INTS9: variants seen among roughly 807,000 people sequenced by gnomAD.
INTS9 encodes protein related to CPSF subunits of 74 kDa.
Under a neutral mutation model 79.7 loss-of-function variants are expected in INTS9, and 55 were observed. The ratio of observed to expected loss-of-function variants is 0.69; its 90% CI spans 0.56 to 0.86. The LOEUF (loss-of-function observed/expected upper bound fraction) is 0.86. INTS9 is among the 40% of genes least tolerant of loss of function. The pLI, the probability that INTS9 is intolerant of heterozygous loss-of-function variation, is 0.00. For synonymous variants in INTS9, 319 were observed against 325.2 expected (o/e 0.98, Z 0.20); for missense variants, 721 against 831.5 (o/e 0.87, Z 1.64).
At chr8:28,861,047 T>C (rs1331884441) in intron 1 of INTS9, among the ~76,000 whole-genome samples, 2 of 152,260 alleles carry the variant, frequency 1.3e-5, no homozygotes, top group African/African-American at 2.4e-5. Flanking sequence ...TCCAAGTTTA[T>C]GTATGATGAT....
chr8:28,828,678 A>G (rs1410636860), intron 6 of INTS9, among the ~76,000 whole-genome samples: 1 of 151,280 alleles, frequency 6.6e-6, no homozygotes, highest in African/African-American at 2.4e-5. Context: ...AGGAACTTCA[A>G]CTTGAACATG....
In INTS9 at chr8:28,823,501, G is replaced by A. The variant is rs576542039; in HGVS notation, c.489-9889C>T. Reference sequence around the variant, plus strand: ...GCTCTTTGTCCAACTCGGTGTCTGTGTTCAACTCTAACTGTTCCTTTGGGT... The same window carrying A: ...GCTCTTTGTCCAACTCGGTGTCTGTATTCAACTCTAACTGTTCCTTTGGGT... On this transcript the variant is annotated intron_variant, in intron 6 of 16. Coordinates refer to ENST00000521022, the MANE Select transcript of INTS9 (RefSeq NM_018250.4). Among the ~76,000 whole-genome samples, 8 of 152,196 alleles carry A rather than the reference G, an allele frequency of 5.3e-5. No individual in the cohort carries two copies. In the South Asian group the frequency reaches 1.7e-3, roughly 32 times the overall value.
chr8:28,880,905 A>G (rs1372766891), intron 1 of INTS9, among the ~76,000 whole-genome samples: 13 of 124,704 alleles, frequency 1.0e-4, no homozygotes, highest in Non-Finnish European at 1.2e-4. Flanking sequence ...CCTCTGCCCC[A>G]CCGCCCTGTC....
At chr8:28,827,381 A>T (rs947002274) in intron 6 of INTS9, among the ~76,000 whole-genome samples, 1 of 152,230 alleles carries the variant, frequency 6.6e-6, no homozygotes, top group Admixed American at 6.5e-5. Context: ...TAAAACTTTT[A>T]AGTCCAGAAG....
Position 28,873,007 on chromosome 8 carries a change from T to G in INTS9, c.10-13444A>C, listed in dbSNP as rs146100545. 3.0e-3 allele frequency among the ~76,000 whole-genome samples: 459 copies of G among 152,174 alleles called. 1 individual carries two copies. Among genetic ancestry groups the G allele is most frequent in the African/African-American group, 0.01 (435 of 41,526 alleles). ...TTTTTTTCTTTATGCCTCTCAGGAC[T>G]CAGAAGTATATTCTGAAAATTTTTT... On this transcript the variant is annotated intron_variant, in intron 1 of 16. Coordinates refer to ENST00000521022, the MANE Select transcript of INTS9 (RefSeq NM_018250.4).
At chr8:28,878,691 T>A (rs1289661978) in intron 1 of INTS9, among the ~76,000 whole-genome samples, 1 of 146,942 alleles carries the variant, frequency 6.8e-6, no homozygotes, top group East Asian at 2.1e-4. Flanking sequence ...TAAAAAAAAA[T>A]GTTGGGCCAG....
At chr8:28,804,638 G>A (rs1159725417) in intron 8 of INTS9, among the ~76,000 whole-genome samples, 1 of 152,130 alleles carries the variant, frequency 6.6e-6, no homozygotes, top group East Asian at 1.9e-4. Context: ...GTCCCTGAGG[G>A]TCAAGCAAGA....
intron 2 of INTS9, among the ~76,000 whole-genome samples, chr8:28,857,847 C>A (rs1014585757): frequency 6.6e-6 from 1 of 152,164 alleles, no homozygotes; most frequent in African/African-American, 2.4e-5. Flanking sequence ...GAAGACAAAG[C>A]AGCTGAGGGG....
chr8:28,844,270 C>T (rs560707992), intron 4 of INTS9, among the ~76,000 whole-genome samples: 16 of 152,276 alleles, frequency 1.1e-4, no homozygotes, highest in Admixed American at 5.2e-4. Context: ...TTTAGCTGGG[C>T]GCGGTGGTTC....
At chr8:28,807,991 A>G (rs241159) in intron 8 of INTS9, among the ~76,000 whole-genome samples, 79,000 of 152,096 alleles carry the variant, frequency 0.52, 22,445 homozygotes, top group Non-Finnish European at 0.65. Flanking sequence ...TAAATATCAA[A>G]TCAATTAAAA....
intron 1 of INTS9, among the ~76,000 whole-genome samples, chr8:28,880,392 GCGATTGCAGGCGCGTGCCGCCACGCC>G (rs1809655199): frequency 6.6e-6 from 1 of 151,956 alleles, no homozygotes; most frequent in African/African-American, 2.4e-5. Flanking sequence ...CCGAGTGCCT[GCGATTGCAGGCGCGTGCCGCCACGCC>G]TGACTGGTTT....
intron 1 of INTS9, among the ~76,000 whole-genome samples, chr8:28,886,693 A>G (rs1026074344): frequency 6.6e-6 from 1 of 152,160 alleles, no homozygotes; most frequent in Non-Finnish European, 1.5e-5. Flanking sequence ...CCCTCACTAA[A>G]TAACAGGGAA....
chr8:28,864,602 G>A (rs1808634937), intron 1 of INTS9, among the ~76,000 whole-genome samples: 2 of 152,056 alleles, frequency 1.3e-5, no homozygotes, highest in African/African-American at 4.8e-5. Context: ...GTGCTTTAAT[G>A]ATGGGACTGA....
chr8:28,780,547 G>T (rs1803194924), intron 12 of INTS9: 6 of 985,402 alleles, frequency 6.1e-6, no homozygotes, highest in Non-Finnish European at 6.0e-6. Context: ...TTCTTGAAAT[G>T]GCTTACGATA....
intron 2 of INTS9, among the ~76,000 whole-genome samples, chr8:28,859,033 A>G (rs532823634): frequency 8.1e-4 from 123 of 151,542 alleles, no homozygotes; most frequent in Non-Finnish European, 1.4e-3. Flanking sequence ...AAAATAATGC[A>G]CAGATGCCTG....
rs932745716 is a variant in INTS9, at chr8:28,870,159, T to A, written c.10-10596A>T. 7.0e-4 allele frequency among the ~76,000 whole-genome samples: 107 copies of A among 152,172 alleles called. 1 individual carries two copies. Among genetic ancestry groups the A allele is most frequent in the African/African-American group, 2.5e-3 (104 of 41,508 alleles). On this transcript the variant is annotated intron_variant, in intron 1 of 16. Coordinates refer to ENST00000521022, the MANE Select transcript of INTS9 (RefSeq NM_018250.4). ...TCATGGAACTATATATGTGACTGTT[T>A]GTTACATATATATATATGTATGTAT... is the stretch of plus-strand genomic sequence containing the variant.
intron 12 of INTS9, 123 bp downstream of exon 12, chr8:28,780,700 G>T (rs1803203296): frequency 2.0e-6 from 3 of 1,491,986 alleles, no homozygotes; most frequent in Non-Finnish European, 2.7e-6. Context: ...GGTACCTACA[G>T]TAGAACAATG....
intron 6 of INTS9, 124 bp downstream of exon 6, chr8:28,835,168 G>T: frequency 1.5e-6 from 1 of 652,030 alleles, no homozygotes; most frequent in East Asian, 2.9e-5. Context: ...TCATGTATTA[G>T]GAAAAAGAGA....
chr8:28,854,877 A>G (rs1808053970), intron 2 of INTS9, among the ~76,000 whole-genome samples: 1 of 152,222 alleles, frequency 6.6e-6, no homozygotes, highest in Non-Finnish European at 1.5e-5. Context: ...AGGTGAGAAC[A>G]TACAGAATTT....
Sources: gnomAD v4.1 joint callset for allele counts (sites outside exome capture counted in the v4.1 genomes callset) on GRCh38, gnomAD v4.1.1 for gene constraint, MANE v1.5 for transcripts, NCBI Gene and HGNC (gene_info 2026-07-23, HGNC 2026-07-21) for gene names.